ACTN4: variants seen among roughly 807,000 people sequenced by gnomAD.
ACTN4 encodes the protein alpha-actinin-4.
ACTN4 carries 18 observed loss-of-function variants against 114.2 expected under a neutral mutation model. The observed-to-expected ratio is 0.16, with a 90% confidence interval of 0.11 to 0.23. The LOEUF (loss-of-function observed/expected upper bound fraction) is 0.23. ACTN4 is among the 10% of genes least tolerant of loss of function. The pLI is 1.00. For missense variants in ACTN4, 722 were observed against 1,262.9 expected (o/e 0.57, Z 6.49); for synonymous variants, 515 against 506.3 (o/e 1.02, Z -0.23).
At chr19:38,712,914 G>A (rs185406851) in intron 8 of ACTN4, among the ~76,000 whole-genome samples, 4 of 152,304 alleles carry the variant, frequency 2.6e-5, no homozygotes, top group Admixed American at 1.3e-4. Flanking sequence ...GACAGTATGG[G>A]TGGGTGCTGA....
At chr19:38,708,941 G>A (rs746128679) in intron 6 of ACTN4, among the ~76,000 whole-genome samples, 3 of 152,264 alleles carry the variant, frequency 2.0e-5, no homozygotes, top group African/African-American at 7.2e-5. Flanking sequence ...CTTTAGTCCT[G>A]TAAGCAGTGG....
chr19:38,684,239 C>T (rs1323279202), intron 1 of ACTN4, among the ~76,000 whole-genome samples: 1 of 152,150 alleles, frequency 6.6e-6, no homozygotes, highest in Non-Finnish European at 1.5e-5. Flanking sequence ...AGGCCTTATG[C>T]CCCACCCAGT....
intron 5 of ACTN4, 150 bp downstream of exon 5, chr19:38,706,281 G>C (rs577359710): frequency 1.2e-6 from 1 of 822,602 alleles, no homozygotes; most frequent in Non-Finnish European, 2.0e-6. Flanking sequence ...CAAGCCCATG[G>C]GAAGGTCACC....
In ACTN4 at chr19:38,727,707, A is replaced by C. The variant is rs1969288220; in HGVS notation, c.2338-239A>C. On this transcript the variant is annotated intron_variant, in intron 18 of 20. Transcript: ENST00000252699. The surrounding 1 kb of genome is among the most constrained non-coding windows in gnomAD (Gnocchi z 5.4). ...CAGCTGCCACCCCTGCTGTGGGCAG[A>C]GAGGTCGGGGAGGCCTCTGCCTTCC... is the stretch of plus-strand genomic sequence containing the variant. The C allele has an allele frequency of 1.9e-6, 1 of 528,864 alleles. No individual in the cohort carries two copies. The highest frequency in any genetic ancestry group is 2.0e-5 in the African/African-American group (1 of 50,962). 32.8% of individuals were successfully genotyped at this position (528,864 alleles called of 1,614,324 possible). A position where few individuals can be genotyped will look rare whatever the true frequency, so the allele number is the denominator to read the frequency against.
intron 1 of ACTN4, among the ~76,000 whole-genome samples, chr19:38,674,957 C>G (rs1967328517): frequency 6.6e-6 from 1 of 152,154 alleles, no homozygotes; most frequent in Non-Finnish European, 1.5e-5. Context: ...ATCCAGGCAT[C>G]TGAGATTGGA....
At chr19:38,708,248 C>T (rs1486929543) in intron 6 of ACTN4, 53 bp downstream of exon 6, 6 of 1,578,748 alleles carry the variant, frequency 3.8e-6, no homozygotes, top group African/African-American at 1.3e-5. Flanking sequence ...TGTCTGACCC[C>T]CTAACTCCGG....
rs536118420 is a variant in ACTN4, at chr19:38,730,991, C to T, written c.*1559C>T. ...TGTCTGTGGGTCAGGCAGATGACCC[C>T]CTCACCCCCATCCAGGTGCTGGCTG... On this transcript the variant is annotated 3_prime_UTR_variant, in exon 21 of 21. Transcript: ENST00000252699. The T allele has an allele frequency of 4.5e-6, 7 of 1,551,554 alleles. No homozygotes were observed. The highest frequency in any genetic ancestry group is 1.7e-4 in the Middle Eastern group (1 of 5,992).
At position 38,714,048 on chromosome 19, in the gene ACTN4, G is replaced by A. The variant is rs556924919; in HGVS notation, c.820-421G>A. ...GTGCACGGACCACTAGGCTCCTCCGGGACCCGGGCGCCCCTGCTCTGTTGC... is the reference window on the plus strand; with the variant it reads ...GTGCACGGACCACTAGGCTCCTCCGAGACCCGGGCGCCCCTGCTCTGTTGC... On this transcript the variant is annotated intron_variant, in intron 8 of 20. Transcript: ENST00000252699. Among the ~76,000 whole-genome samples, 17 of 152,184 alleles carry A rather than the reference G, an allele frequency of 1.1e-4. 1 individual carries two copies. Among genetic ancestry groups the A allele is most frequent in the Non-Finnish European group, 1.8e-4 (12 of 68,024 alleles).
At chr19:38,712,357 C>T (rs561287938) in intron 8 of ACTN4, among the ~76,000 whole-genome samples, 2 of 152,284 alleles carry the variant, frequency 1.3e-5, no homozygotes, top group South Asian at 4.1e-4. Context: ...GGTACTGTGA[C>T]CTTGGGTGGG....
At chr19:38,650,790 C>T (rs906760061) in intron 1 of ACTN4, among the ~76,000 whole-genome samples, 15 of 152,254 alleles carry the variant, frequency 9.9e-5, no homozygotes, top group Admixed American at 9.8e-4. Context: ...GCTCTTGTTG[C>T]CCGGGCGTGA....
At chr19:38,686,858 C>T (rs1470738375) in intron 1 of ACTN4, among the ~76,000 whole-genome samples, 2 of 152,176 alleles carry the variant, frequency 1.3e-5, no homozygotes, top group African/African-American at 4.8e-5. Flanking sequence ...CAGAGGCAGG[C>T]TCAGATGGGA....
At position 38,730,670 on chromosome 19, in the gene ACTN4, C is replaced by A; in HGVS notation, c.*1238C>A. On this transcript the variant is annotated 3_prime_UTR_variant, in exon 21 of 21. Coordinates refer to ENST00000252699, the MANE Select transcript of ACTN4 (RefSeq NM_004924.6). ...CTGCTCGAGAAGGGCTGTCGCTGTT[C>A]TTGTTTCTGAGTGAGGAGTACGCAG... is the stretch of plus-strand genomic sequence containing the variant. 1 of 683,920 alleles carries A rather than the reference C, an allele frequency of 1.5e-6. No individual in the cohort carries two copies. Among genetic ancestry groups the A allele is most frequent in the South Asian group, 1.8e-5 (1 of 55,804 alleles). The allele number at this position is 683,920 out of a possible 1,614,324, so 42.4% of individuals were successfully genotyped here.
chr19:38,729,842 A>G lies in ACTN4; in HGVS notation c.*410A>G. The G allele has an allele frequency of 2.6e-6, 1 of 381,758 alleles. No homozygotes were observed. Among genetic ancestry groups the G allele is most frequent in the Non-Finnish European group, 5.2e-6 (1 of 193,868 alleles). 23.6% of individuals were successfully genotyped at this position (381,758 alleles called of 1,614,324 possible). Reference sequence around the variant, plus strand: ...CAAAGCCCCATGTGCCTTGTCCAGGAACTGCCTGGGCCATGCGAGGGGCCA... The same window carrying G: ...CAAAGCCCCATGTGCCTTGTCCAGGGACTGCCTGGGCCATGCGAGGGGCCA... On this transcript the variant is annotated 3_prime_UTR_variant, in exon 21 of 21. Coordinates refer to ENST00000252699, the MANE Select transcript of ACTN4 (RefSeq NM_004924.6).
chr19:38,717,663 G>A lies in ACTN4; in HGVS notation c.1144-264G>A, dbSNP rs1820393692. Among the ~76,000 whole-genome samples, 1 of 152,168 alleles carries A rather than the reference G, an allele frequency of 6.6e-6. No individual in the cohort carries two copies. On this transcript the variant is annotated intron_variant, in intron 10 of 20. Transcript: ENST00000252699. This position sits in a 1 kb window ranked among gnomAD's most constrained non-coding sequence, Gnocchi z 4.0. ...CATCAGCGGAGGGGCAGTGCGCCCT[G>A]GACGGTACCACCTCCCCATCTATGG... is the stretch of plus-strand genomic sequence containing the variant.
At chr19:38,653,811 CA>C (rs531052648) in intron 1 of ACTN4, among the ~76,000 whole-genome samples, 18 of 152,148 alleles carry the variant, frequency 1.2e-4, no homozygotes, top group Non-Finnish European at 2.1e-4. Context: ...CAAGTGATAG[CA>C]AGTGGGTAAT....
intron 1 of ACTN4, among the ~76,000 whole-genome samples, chr19:38,697,436 G>C (rs1275912457): frequency 1.3e-5 from 2 of 152,264 alleles, no homozygotes; most frequent in African/African-American, 2.4e-5. Flanking sequence ...TGCTTTAAAT[G>C]TATTTTCCCT....
At position 38,724,109 on chromosome 19, in the gene ACTN4, G is replaced by A. The variant is rs745708957; in HGVS notation, c.1692+32G>A. On this transcript the variant is annotated intron_variant, in intron 14 of 20. Transcript: ENST00000252699. This position sits in a 1 kb window ranked among gnomAD's most constrained non-coding sequence, Gnocchi z 7.0. The stretch of plus-strand genomic sequence containing the variant: ...ACCCCCCGGCCCCCCATCTTCCCAA[G>A]AGCCTCTGTGGGGCTGGGCCGCCCC... 1 of 1,613,640 alleles carries A rather than the reference G, an allele frequency of 6.2e-7. No homozygotes were observed. The highest frequency in any genetic ancestry group is 1.1e-5 in the South Asian group (1 of 91,090).
At chr19:38,702,251 G>T (rs761028868) in intron 3 of ACTN4, among the ~76,000 whole-genome samples, 1 of 152,234 alleles carries the variant, frequency 6.6e-6, no homozygotes, top group Non-Finnish European at 1.5e-5. Flanking sequence ...AATGTTCTCT[G>T]TTCATGCCCA....
At chr19:38,661,675 C>T (rs1285287372) in intron 1 of ACTN4, among the ~76,000 whole-genome samples, 3 of 152,016 alleles carry the variant, frequency 2.0e-5, no homozygotes, top group Admixed American at 6.5e-5. Flanking sequence ...TATTTTGAGA[C>T]GGAGTCTCAC....
Sources: allele counts gnomAD v4.1 joint callset (sites outside exome capture counted in the v4.1 genomes callset), GRCh38; gene constraint gnomAD v4.1.1; non-coding constraint Gnocchi (gnomAD v3.1); transcripts MANE v1.5; gene names NCBI Gene and HGNC (gene_info 2026-07-23, HGNC 2026-07-21).